The following SLC12A7 variants were observed in gnomAD, a reference collection of about 807,000 sequenced individuals.
The protein encoded by SLC12A7 is K-Cl cotransporter 4.
SLC12A7 carries 100 observed loss-of-function variants against 120.6 expected under a neutral mutation model. That is an observed-to-expected ratio of 0.83 (90% CI 0.71 to 0.98). SLC12A7 has a LOEUF of 0.98. Among genes scored for constraint, SLC12A7 ranks in the 50% least tolerant of loss-of-function variants. SLC12A7 has a pLI of 0.00. For missense variants in SLC12A7, 1,373 were observed against 1,548.1 expected (o/e 0.89, Z 1.90); for synonymous variants, 760 against 678.0 (o/e 1.12, Z -1.88).
intron 17 of SLC12A7, among the ~76,000 whole-genome samples, chr5:1,067,854 C>T (rs907628007): frequency 6.7e-6 from 1 of 149,242 alleles, no homozygotes; most frequent in African/African-American, 2.4e-5. Flanking sequence ...TATCACAAGT[C>T]AGCACCGTGT....
chr5:1,081,176 G>A (rs964598251), intron 9 of SLC12A7, among the ~76,000 whole-genome samples: 2 of 152,092 alleles, frequency 1.3e-5, no homozygotes, highest in African/African-American at 4.8e-5. Context: ...GGAAGAGAAA[G>A]AAGGAAGCCA....
chr5:1,112,954 G>T (rs77722892), upstream of SLC12A7, among the ~76,000 whole-genome samples: 2,111 of 144,922 alleles, frequency 0.015, 21 homozygotes, highest in Non-Finnish European at 0.023. Context: ...CGCGGCCCCT[G>T]CCCTAGAACC....
At chr5:1,105,767 C>G (rs565063728) in intron 1 of SLC12A7, among the ~76,000 whole-genome samples, 1 of 152,356 alleles carries the variant, frequency 6.6e-6, no homozygotes, top group African/African-American at 2.4e-5. Flanking sequence ...AGACCAGCCC[C>G]CCATGTCAGT....
intron 3 of SLC12A7, among the ~76,000 whole-genome samples, chr5:1,090,722 C>T (rs111519021): frequency 0.04 from 6,153 of 152,222 alleles, 136 homozygotes; most frequent in African/African-American, 0.054. Context: ...CCTCAAATCC[C>T]GCAGCCCCGT....
chr5:1,056,426 G>T (rs1735614446), intron 22 of SLC12A7, among the ~76,000 whole-genome samples: 1 of 152,144 alleles, frequency 6.6e-6, no homozygotes, highest in Non-Finnish European at 1.5e-5. Flanking sequence ...CAGCAGCTCT[G>T]GGTGAGCTCT....
At chr5:1,103,217 T>A (rs1395225776) in intron 1 of SLC12A7, among the ~76,000 whole-genome samples, 2 of 152,126 alleles carry the variant, frequency 1.3e-5, no homozygotes, top group African/African-American at 2.4e-5. Flanking sequence ...CAGCGCTGCC[T>A]TCTGAGGGAA....
rs369552022 is a variant in SLC12A7 at position 1,062,788 on chromosome 5, C to T, written c.2739+1056G>A. On this transcript the variant is annotated intron_variant, in intron 20 of 23. Transcript: ENST00000264930. The stretch of plus-strand genomic sequence containing the variant: ...GCACAGGTGGCTTCCTGGGGGACAG[C>T]GTGACAGTCTCTATCCAGCTTTATG... The T allele has an allele frequency of 9.5e-4, 146 of 154,342 alleles. 2 individuals carry two copies. Among genetic ancestry groups the T allele is most frequent in the African/African-American group, 2.9e-3 (119 of 41,618 alleles). The allele number at this position is 154,342 out of a possible 1,614,324, so 9.6% of individuals were successfully genotyped here. A position where few individuals can be genotyped will look rare whatever the true frequency, so the allele number is the denominator to read the frequency against.
chr5:1,095,732 C>T (rs1336577904), intron 1 of SLC12A7, among the ~76,000 whole-genome samples: 6 of 152,238 alleles, frequency 3.9e-5, no homozygotes, highest in South Asian at 2.1e-4. Context: ...AGCCCACTGG[C>T]GGCCACCCTG....
At chr5:1,073,900 G>C (rs1308821951) in intron 16 of SLC12A7, 99 bp from the exon 17 acceptor site, 2 of 1,173,568 alleles carry the variant, frequency 1.7e-6, no homozygotes, top group African/African-American at 3.1e-5. Flanking sequence ...ACACGACACA[G>C]GTGGGACGGG....
the SLC12A7 span, among the ~76,000 whole-genome samples, chr5:1,144,745 G>C: frequency 2.6e-4 from 39 of 152,244 alleles, no homozygotes; most frequent in African/African-American, 9.4e-4. Flanking sequence ...GAAAATTACA[G>C]GCAAGGAAGC....
At position 1,077,838 on chromosome 5, in the gene SLC12A7, G is replaced by A. The variant is rs1738538351; in HGVS notation, c.1624C>T (p.Leu542=). The A allele has an allele frequency of 3.2e-6, 5 of 1,586,102 alleles. No individual in the cohort carries two copies. Among genetic ancestry groups the A allele is most frequent in the Non-Finnish European group, 4.3e-6 (5 of 1,167,104 alleles). Residue 542 remains leucine (L), a synonymous_variant, in exon 12 of 24, where the codon CTG becomes TTG. Coordinates refer to ENST00000264930, the MANE Select transcript of SLC12A7 (RefSeq NM_006598.3). ...AIARDGIVPF[L]QVFGHGKANG... ...GACGAGGGTGCGGGACTCACCTGCAGGAAGGGGACGATGCCGTCACGGGCA... is the reference window on the plus strand; with the variant it reads ...GACGAGGGTGCGGGACTCACCTGCAAGAAGGGGACGATGCCGTCACGGGCA...
intron 17 of SLC12A7, among the ~76,000 whole-genome samples, chr5:1,067,398 C>T (rs1737172340): frequency 1.3e-5 from 2 of 152,204 alleles, no homozygotes; most frequent in Admixed American, 6.5e-5. Flanking sequence ...GGGAAGAAGG[C>T]AGGAAGTGTG....
At chr5:1,058,651 G>A (rs1371826925) in intron 21 of SLC12A7, among the ~76,000 whole-genome samples, 1 of 152,246 alleles carries the variant, frequency 6.6e-6, no homozygotes, top group Non-Finnish European at 1.5e-5. Flanking sequence ...AAAGGGAAGA[G>A]ATTGGCACAG....
In SLC12A7 at chr5:1,052,420, C is replaced by T; in HGVS notation, c.3192G>A (p.Gly1064=). The change falls in exon 24 of 24, where the codon GGG becomes GGA. Residue 1064 remains glycine, a synonymous_variant. Coordinates refer to ENST00000264930, the MANE Select transcript of SLC12A7 (RefSeq NM_006598.3). ...YMEFLEVLTE[G]LNRVLLVRGG... ...CCCTGACCAGGAGGACTCTGTTCAG[C>T]CCCTCGGTCAGGACTTCAAGAAACT... 2 of 1,612,888 alleles carry T rather than the reference C, an allele frequency of 1.2e-6. No individual in the cohort carries two copies. The highest frequency in any genetic ancestry group is 1.1e-5 in the South Asian group (1 of 91,076).
At chr5:1,053,990 C>T (rs766135662) in intron 22 of SLC12A7, among the ~76,000 whole-genome samples, 2 of 152,242 alleles carry the variant, frequency 1.3e-5, no homozygotes, top group Non-Finnish European at 2.9e-5. Flanking sequence ...CAACTGGGTC[C>T]AAGGGGCCGG....
chr5:1,113,290 T>A (rs1403068827), upstream of SLC12A7, among the ~76,000 whole-genome samples: 1 of 152,156 alleles, frequency 6.6e-6, no homozygotes, highest in Non-Finnish European at 1.5e-5. Flanking sequence ...CCTGGCCATG[T>A]TTTAGCCGCT....
Position 1,085,506 on chromosome 5 carries a change from C to T in SLC12A7, c.676-33G>A, listed in dbSNP as rs568786230. ...AACAAGGCCGGTCGGGAGGCCGTCC[C>T]CGGACACAACTCCCCAGTGCCCGTC... On this transcript the variant is annotated intron_variant, in intron 6 of 23. Coordinates refer to ENST00000264930, the MANE Select transcript of SLC12A7 (RefSeq NM_006598.3). The T allele has an allele frequency of 3.2e-6, 5 of 1,552,284 alleles. No homozygotes were observed. The African/African-American group carries it at 6.8e-5, about 21-fold the overall frequency.
intron 23 of SLC12A7, 38 bp from the exon 24 acceptor site, chr5:1,052,489 C>G (rs1480933322): frequency 6.5e-7 from 1 of 1,529,048 alleles, no homozygotes; most frequent in South Asian, 1.1e-5. Flanking sequence ...CTGATCTTAC[C>G]TGAGCGTGTG....
chr5:1,135,883 C>G, the SLC12A7 span, among the ~76,000 whole-genome samples: 1 of 152,170 alleles, frequency 6.6e-6, no homozygotes, highest in Non-Finnish European at 1.5e-5. Flanking sequence ...GCACCATCCC[C>G]ACATCCAAAA....
Sources: allele counts gnomAD v4.1 joint callset (sites outside exome capture counted in the v4.1 genomes callset), GRCh38; gene constraint gnomAD v4.1.1; transcripts MANE v1.5; gene names NCBI Gene and HGNC (gene_info 2026-07-23, HGNC 2026-07-21).